The following PTPRK variants were observed in gnomAD, a reference collection of about 807,000 sequenced individuals.
PTPRK encodes the protein protein tyrosine phosphatase receptor type K.
A neutral mutation model predicts 178.0 loss-of-function variants in PTPRK; 75 were observed. The ratio of observed to expected loss-of-function variants is 0.42; its 90% confidence interval spans 0.35 to 0.51. PTPRK has a LOEUF of 0.51. Among genes scored for constraint, PTPRK ranks in the 20% least tolerant of loss-of-function variants. The pLI is 0.02. For synonymous variants in PTPRK, 637 were observed against 620.6 expected (o/e 1.03, Z -0.39); for missense variants, 1,441 against 1,797.8 (o/e 0.80, Z 3.59).
intron 1 of PTPRK, among the ~76,000 whole-genome samples, chr6:128,453,019 A>G (rs558892006): frequency 2.0e-5 from 3 of 152,178 alleles, no homozygotes; most frequent in African/African-American, 7.2e-5. Flanking sequence ...ATAACAGCTG[A>G]CCTGCAGATT....
chr6:127,972,866 G>C (rs1774088959), intron 29 of PTPRK, among the ~76,000 whole-genome samples, 156 bp downstream of exon 29: 2 of 152,086 alleles, frequency 1.3e-5, no homozygotes, highest in Non-Finnish European at 2.9e-5. Context: ...TGGGTAGAGG[G>C]GGATGCTCAG....
chr6:127,975,933 G>A (rs1774524655), intron 27 of PTPRK, among the ~76,000 whole-genome samples: 1 of 152,064 alleles, frequency 6.6e-6, no homozygotes, highest in Non-Finnish European at 1.5e-5. Context: ...GCCTCCCAAA[G>A]TGCTGGAATT....
In PTPRK at chr6:128,139,880, T is replaced by C. The variant is rs528717018; in HGVS notation, c.1162+44552A>G. Reference sequence around the variant, plus strand: ...TGCCAAGGTTTTGCTTTTATTTCACTAGCAACATTTTTTTTTAATCCAAAT... The same window carrying C: ...TGCCAAGGTTTTGCTTTTATTTCACCAGCAACATTTTTTTTTAATCCAAAT... On this transcript the variant is annotated intron_variant, in intron 7 of 29. Coordinates refer to ENST00000368226, the MANE Select transcript of PTPRK (RefSeq NM_002844.4). Among the ~76,000 whole-genome samples, 15 of 56,836 alleles carry C rather than the reference T, an allele frequency of 2.6e-4. No individual in the cohort carries two copies. The East Asian group carries it at 0.014, about 51-fold the overall frequency. 37.3% of individuals were successfully genotyped at this position (56,836 alleles called of 152,430 possible). A position where few individuals can be genotyped will look rare whatever the true frequency, so the allele number is the denominator to read the frequency against.
At position 128,047,584 on chromosome 6, in the gene PTPRK, G is replaced by A. The variant is rs181930475; in HGVS notation, c.2194+17174C>T. Among the ~76,000 whole-genome samples, 34 of 152,200 alleles carry A rather than the reference G, an allele frequency of 2.2e-4. 1 individual carries two copies. The East Asian group carries it at 5.8e-3, about 26-fold the overall frequency. On this transcript the variant is annotated intron_variant, in intron 13 of 29. Transcript: ENST00000368226. ...AAGTACCTATGGCAAGGCAGTCAAA[G>A]TGTTTTCTGGTATTTTAGACTGACA...
At chr6:128,450,710 A>G (rs1411171868) in intron 1 of PTPRK, among the ~76,000 whole-genome samples, 3 of 152,224 alleles carry the variant, frequency 2.0e-5, no homozygotes, top group Non-Finnish European at 4.4e-5. Context: ...CTTTTCACTG[A>G]CATGCAATCA....
intron 7 of PTPRK, among the ~76,000 whole-genome samples, chr6:128,132,470 C>T (rs1033409778): frequency 1.3e-5 from 2 of 152,212 alleles, no homozygotes; most frequent in Non-Finnish European, 2.9e-5. Context: ...CAGCGCCCAG[C>T]CCAGGCTGTG....
chr6:128,499,820 A>T (rs1198254460), intron 1 of PTPRK, among the ~76,000 whole-genome samples: 1 of 152,042 alleles, frequency 6.6e-6, no homozygotes, highest in Non-Finnish European at 1.5e-5. Flanking sequence ...TACCTTTGTT[A>T]TTGTTTTTGT....
chr6:128,013,717 T>C (rs1489210257), intron 13 of PTPRK, among the ~76,000 whole-genome samples: 3 of 151,516 alleles, frequency 2.0e-5, no homozygotes, highest in African/African-American at 7.3e-5. Context: ...TCTCACACAA[T>C]TAGTTACAAA....
rs111400872 is a variant in PTPRK at position 128,364,181 on chromosome 6, CT to C, written c.223+33384del. ...TTTATAAAATTACCCAACATGAAAA[CT>C]TTTTTTTATCCCTGTGATATATAAC... On this transcript the variant is annotated intron_variant, in intron 2 of 29. Transcript: ENST00000368226. Among the ~76,000 whole-genome samples the C allele has an allele frequency of 7.9e-5, 12 of 151,752 alleles. No homozygotes were observed. The South Asian group carries it at 1.0e-3, about 13-fold the overall frequency.
intron 1 of PTPRK, among the ~76,000 whole-genome samples, chr6:128,420,329 G>GCTA (rs1197766143): frequency 6.6e-6 from 1 of 152,076 alleles, no homozygotes; most frequent in Admixed American, 6.5e-5. Context: ...TAAACACAAG[G>GCTA]CGGTAAACTG....
chr6:128,060,125 G>T (rs1043517725), intron 13 of PTPRK, among the ~76,000 whole-genome samples: 3 of 152,096 alleles, frequency 2.0e-5, no homozygotes, highest in African/African-American at 7.2e-5. Context: ...TAGACACAGG[G>T]TATTCCAGAT....
Position 127,968,820 on chromosome 6 carries a change from A to C in PTPRK, c.*1407T>G, listed in dbSNP as rs1353702270. On this transcript the variant is annotated 3_prime_UTR_variant, in exon 30 of 30. Coordinates refer to ENST00000368226, the MANE Select transcript of PTPRK (RefSeq NM_002844.4). Reference sequence around the variant, plus strand: ...AAAAACTTTATTTCATTCTTACTTTAATTAAATCTTTATAAGCACCATGTC... The same window carrying C: ...AAAAACTTTATTTCATTCTTACTTTCATTAAATCTTTATAAGCACCATGTC... The C allele has an allele frequency of 6.6e-6, 1 of 152,220 alleles. No homozygotes were observed. Among genetic ancestry groups the C allele is most frequent in the Non-Finnish European group, 1.5e-5 (1 of 68,040 alleles). The allele number at this position is 152,220 out of a possible 1,614,324, so 9.4% of individuals were successfully genotyped here.
chr6:128,044,375 T>C (rs180731243), intron 13 of PTPRK, among the ~76,000 whole-genome samples: 148 of 152,164 alleles, frequency 9.7e-4, no homozygotes, highest in Non-Finnish European at 8.7e-4. Flanking sequence ...TGTAGCAGTA[T>C]GTGCTCTAAA....
chr6:128,416,647 TAA>T (rs762520693), intron 1 of PTPRK, among the ~76,000 whole-genome samples: 47 of 121,422 alleles, frequency 3.9e-4, no homozygotes, highest in Admixed American at 5.1e-4. Context: ...GACTCCATCT[TAA>T]AAAAAAAAAA....
chr6:128,356,975 T>C (rs571784654), intron 2 of PTPRK, among the ~76,000 whole-genome samples: 28 of 152,276 alleles, frequency 1.8e-4, no homozygotes, highest in African/African-American at 6.7e-4. Flanking sequence ...GAAATATAAA[T>C]TCCAAAACTT....
chr6:128,438,062 A>T (rs1018149615), intron 1 of PTPRK, among the ~76,000 whole-genome samples: 6 of 152,084 alleles, frequency 3.9e-5, no homozygotes, highest in African/African-American at 1.4e-4. Context: ...AATTTCAATC[A>T]CCATTTGGAT....
rs542228887 is a variant in PTPRK, at chr6:128,065,789, G to A, written c.2158-995C>T. Among the ~76,000 whole-genome samples, 28 of 152,224 alleles carry A rather than the reference G, an allele frequency of 1.8e-4. No individual in the cohort carries two copies. The East Asian group carries it at 4.1e-3, about 22-fold the overall frequency. ...CTGAGACCTTCATGGTAACCTGCAA[G>A]AGATTATTTCACATTCCCATAAAGG... is the stretch of plus-strand genomic sequence containing the variant. On this transcript the variant is annotated intron_variant, in intron 12 of 29. Coordinates refer to ENST00000368226, the MANE Select transcript of PTPRK (RefSeq NM_002844.4).
intron 1 of PTPRK, among the ~76,000 whole-genome samples, chr6:128,504,656 A>G (rs1035161087): frequency 1.3e-5 from 2 of 151,106 alleles, no homozygotes; most frequent in Non-Finnish European, 2.9e-5. Context: ...GGAGTAAGCA[A>G]TCAGAGCACC....
chr6:128,148,587 T>C (rs74603246), intron 7 of PTPRK, among the ~76,000 whole-genome samples: 3,307 of 152,168 alleles, frequency 0.022, 98 homozygotes, highest in African/African-American at 0.045. Context: ...ATGCTGATCA[T>C]TAGCATTTTA....
Sources: gnomAD v4.1 joint callset for allele counts (sites outside exome capture counted in the v4.1 genomes callset) on GRCh38, gnomAD v4.1.1 for gene constraint, MANE v1.5 for transcripts, NCBI Gene and HGNC (gene_info 2026-07-23, HGNC 2026-07-21) for gene names.